SNTB1: variants seen among roughly 807,000 people sequenced by gnomAD.
SNTB1 encodes syntrophin beta 1.
SNTB1 carries 36 observed loss-of-function variants against 48.9 expected under a neutral mutation model. That is an observed-to-expected ratio of 0.74 (90% CI 0.56 to 0.97). SNTB1 has a LOEUF of 0.97. SNTB1 is among the 50% of genes least tolerant of loss of function. SNTB1 has a pLI of 0.00. For missense variants in SNTB1, 786 were observed against 703.4 expected, an observed-to-expected ratio of 1.12 and a Z score of -1.33; for synonymous variants, 299 against 294.6, an observed-to-expected ratio of 1.01 and a Z score of -0.15.
chr8:120,750,136 TTCCCTACG>T (rs1452096572), intron 1 of SNTB1, among the ~76,000 whole-genome samples: 2 of 122,200 alleles, frequency 1.6e-5, no homozygotes, highest in Non-Finnish European at 3.4e-5. Context: ...CCCTCCCTCC[TTCCCTACG>T]TCCCTCCTTC....
At chr8:120,657,535 C>G (rs1011643113) in intron 2 of SNTB1, among the ~76,000 whole-genome samples, 1 of 152,060 alleles carries the variant, frequency 6.6e-6, no homozygotes, top group Non-Finnish European at 1.5e-5. Flanking sequence ...CTCATGCTGC[C>G]TACTTAACAT....
chr8:120,805,286 C>T (rs1015801998), intron 1 of SNTB1, among the ~76,000 whole-genome samples: 4 of 152,056 alleles, frequency 2.6e-5, no homozygotes, highest in Non-Finnish European at 4.4e-5. Flanking sequence ...AATATGTTAA[C>T]TTACGTGGCA....
intron 4 of SNTB1, among the ~76,000 whole-genome samples, chr8:120,562,160 A>G (rs1261418627): frequency 6.6e-6 from 1 of 152,264 alleles, no homozygotes; most frequent in Non-Finnish European, 1.5e-5. Flanking sequence ...CTGGTCTTTA[A>G]CAATTGCTAA....
At chr8:120,695,702 G>A (rs1257453003) in intron 1 of SNTB1, among the ~76,000 whole-genome samples, 6 of 152,102 alleles carry the variant, frequency 3.9e-5, no homozygotes, top group Admixed American at 3.3e-4. Context: ...AATATACCCA[G>A]ATGCATGTAA....
At chr8:120,647,484 G>C (rs1817319066) in intron 2 of SNTB1, among the ~76,000 whole-genome samples, 1 of 149,382 alleles carries the variant, frequency 6.7e-6, no homozygotes, top group Non-Finnish European at 1.5e-5. Flanking sequence ...TTTTGAGTGA[G>C]TTTCTTAATC....
intron 2 of SNTB1, among the ~76,000 whole-genome samples, chr8:120,675,168 T>C (rs1817814333): frequency 6.6e-6 from 1 of 152,196 alleles, no homozygotes; most frequent in Non-Finnish European, 1.5e-5. Context: ...ATCATTCACT[T>C]GGATGGCTTC....
At chr8:120,539,912 G>A (rs1815257296) in intron 6 of SNTB1, among the ~76,000 whole-genome samples, 1 of 152,040 alleles carries the variant, frequency 6.6e-6, no homozygotes, top group Non-Finnish European at 1.5e-5. Context: ...TTTGTATAGG[G>A]AAACTAAGAT....
intron 1 of SNTB1, among the ~76,000 whole-genome samples, chr8:120,749,101 T>C (rs1032811949): frequency 6.6e-6 from 1 of 152,174 alleles, no homozygotes; most frequent in African/African-American, 2.4e-5. Flanking sequence ...ATAATAATAA[T>C]CTTCTAGTTT....
chr8:120,624,718 C>CA (rs1563834575), intron 3 of SNTB1, among the ~76,000 whole-genome samples: 2 of 68,388 alleles, frequency 2.9e-5, no homozygotes, highest in African/African-American at 1.5e-4. Flanking sequence ...TTCAGAGTCT[C>CA]ATCTACATCA....
At chr8:120,584,983 C>T (rs1185673105) in intron 3 of SNTB1, among the ~76,000 whole-genome samples, 3 of 152,098 alleles carry the variant, frequency 2.0e-5, no homozygotes, top group East Asian at 1.9e-4. Flanking sequence ...TTCCTTATGT[C>T]GTCAGAAGGA....
At chr8:120,626,211 GTA>G (rs941058373) in intron 3 of SNTB1, among the ~76,000 whole-genome samples, 2 of 151,444 alleles carry the variant, frequency 1.3e-5, no homozygotes, top group African/African-American at 4.8e-5. Context: ...ACTATAGTAT[GTA>G]TATATATATA....
chr8:120,658,398 G>A (rs1817532703), intron 2 of SNTB1, among the ~76,000 whole-genome samples: 2 of 152,108 alleles, frequency 1.3e-5, no homozygotes, highest in Admixed American at 1.3e-4. Context: ...AAACACCATA[G>A]GCAATTTAGT....
chr8:120,806,537 C>T (rs1563609113), intron 1 of SNTB1, among the ~76,000 whole-genome samples: 1 of 152,098 alleles, frequency 6.6e-6, no homozygotes, highest in African/African-American at 2.4e-5. Flanking sequence ...GATGTTTAAA[C>T]TTAAAGTAGA....
At chr8:120,660,788 G>A (rs1817574877) in intron 2 of SNTB1, among the ~76,000 whole-genome samples, 1 of 152,134 alleles carries the variant, frequency 6.6e-6, no homozygotes. Flanking sequence ...GACGAGACGT[G>A]TGACTCTTCT....
At chr8:120,572,359 AC>A (rs1587001638) in intron 4 of SNTB1, among the ~76,000 whole-genome samples, 1 of 152,222 alleles carries the variant, frequency 6.6e-6, no homozygotes, top group East Asian at 1.9e-4. Context: ...ATTGCCAGGC[AC>A]TGTGCCAGGA....
chr8:120,786,744 T>A (rs1482668158), intron 1 of SNTB1, among the ~76,000 whole-genome samples: 2 of 152,198 alleles, frequency 1.3e-5, no homozygotes, highest in Admixed American at 6.5e-5. Context: ...GAGGCTGTTG[T>A]GGCTCCTTCC....
At chr8:120,549,089 A>AC (rs1815435009) in intron 4 of SNTB1, 131 bp from the exon 5 acceptor site, 5 of 671,508 alleles carry the variant, frequency 7.4e-6, no homozygotes, top group Non-Finnish European at 1.2e-5. Context: ...GCTCCACTAT[A>AC]CCCTGCTCTT....
chr8:120,661,974 G>A (rs1463151415), intron 2 of SNTB1, among the ~76,000 whole-genome samples: 1 of 152,088 alleles, frequency 6.6e-6, no homozygotes, highest in Non-Finnish European at 1.5e-5. Flanking sequence ...TCCTAAATTT[G>A]TGACTAGTAG....
chr8:120,565,217 T>C lies in SNTB1; in HGVS notation c.1136+9869A>G, dbSNP rs566518520. ...GGAGTTGTTTTAAAAATGTAGCCAATGTATTTATAAACCCGAAAATAGAAG... is the reference window on the plus strand; with the variant it reads ...GGAGTTGTTTTAAAAATGTAGCCAACGTATTTATAAACCCGAAAATAGAAG... On this transcript the variant is annotated intron_variant, in intron 4 of 6. Coordinates refer to ENST00000517992, the MANE Select transcript of SNTB1 (RefSeq NM_021021.4). Among the ~76,000 whole-genome samples the C allele has an allele frequency of 2.0e-5, 3 of 152,298 alleles. No homozygotes were observed. The East Asian group carries it at 5.8e-4, about 29-fold the overall frequency.
Sources: allele counts gnomAD v4.1 joint callset (sites outside exome capture counted in the v4.1 genomes callset), GRCh38; gene constraint gnomAD v4.1.1; transcripts MANE v1.5; gene names NCBI Gene and HGNC (gene_info 2026-07-23, HGNC 2026-07-21).